GRID2: variants seen among roughly 807,000 people sequenced by gnomAD.
GRID2 encodes the protein glutamate receptor ionotropic, delta-2.
In GRID2, 33 loss-of-function variants were observed where a neutral mutation model predicts 114.8. That is an observed-to-expected ratio of 0.29 (90% CI 0.22 to 0.38). The LOEUF is 0.38. Among genes scored for constraint, GRID2 ranks in the 10% least tolerant of loss-of-function variants. The probability of loss-of-function intolerance (pLI) is 1.00; values close to 1 mark genes in which losing one functional copy is unlikely to be tolerated. For synonymous variants in GRID2, 505 were observed against 449.9 expected, an observed-to-expected ratio of 1.12 and a Z score of -1.55; for missense variants, 1,184 against 1,257.7, an observed-to-expected ratio of 0.94 and a Z score of 0.89.
intron 1 of GRID2, among the ~76,000 whole-genome samples, chr4:92,338,632 T>C (rs920722648): frequency 1.3e-5 from 2 of 152,104 alleles, no homozygotes; most frequent in Non-Finnish European, 2.9e-5. Flanking sequence ...GAAACATAGC[T>C]ATCTATCTAA....
intron 14 of GRID2, among the ~76,000 whole-genome samples, chr4:93,680,033 A>G (rs1260900612): frequency 2.0e-5 from 3 of 151,256 alleles, no homozygotes; most frequent in Admixed American, 1.3e-4. Context: ...ACCGCTAGCA[A>G]GACTAATAAA....
At chr4:92,834,573 T>C (rs1367929509) in intron 2 of GRID2, among the ~76,000 whole-genome samples, 1 of 152,168 alleles carries the variant, frequency 6.6e-6, no homozygotes, top group Non-Finnish European at 1.5e-5. Flanking sequence ...TGGGGTATGG[T>C]AATGAATAAG....
At chr4:92,566,410 T>G (rs1390818419) in intron 1 of GRID2, among the ~76,000 whole-genome samples, 2 of 151,944 alleles carry the variant, frequency 1.3e-5, no homozygotes, top group East Asian at 3.9e-4. Context: ...CCAGAAAATT[T>G]GTTGACAGCA....
chr4:92,388,394 T>G (rs1283831283), intron 1 of GRID2, among the ~76,000 whole-genome samples: 2 of 151,974 alleles, frequency 1.3e-5, no homozygotes, highest in South Asian at 2.1e-4. Context: ...TCCCTGGCTC[T>G]CTCTCTGGTG....
chr4:93,533,245 T>TCTTCCTTCCTTCCTTCCTTCCTTC (rs755045834), intron 13 of GRID2, among the ~76,000 whole-genome samples: 10 of 105,716 alleles, frequency 9.5e-5, no homozygotes, highest in Admixed American at 1.0e-4. Flanking sequence ...TTTCTTTCTC[T>TCTTCCTTCCTTCCTTCCTTCCTTC]CTTCCTTCCT....
At chr4:93,317,550 A>G (rs1416144786) in intron 8 of GRID2, among the ~76,000 whole-genome samples, 1 of 152,140 alleles carries the variant, frequency 6.6e-6, no homozygotes, top group African/African-American at 2.4e-5. Context: ...AATAATACTG[A>G]AATTTGGAGA....
intron 4 of GRID2, among the ~76,000 whole-genome samples, chr4:93,204,652 C>G (rs1336006561): frequency 6.6e-6 from 1 of 152,032 alleles, no homozygotes; most frequent in Non-Finnish European, 1.5e-5. Context: ...TTGCTTTTGC[C>G]TAACATACTT....
chr4:93,234,127 G>T (rs540610077), intron 7 of GRID2, among the ~76,000 whole-genome samples: 1 of 152,112 alleles, frequency 6.6e-6, no homozygotes, highest in Non-Finnish European at 1.5e-5. Flanking sequence ...ATATAAGGTA[G>T]CCTTTTTACA....
intron 13 of GRID2, among the ~76,000 whole-genome samples, chr4:93,592,533 G>T (rs1277878980): frequency 1.3e-5 from 2 of 152,156 alleles, no homozygotes; most frequent in Non-Finnish European, 2.9e-5. Flanking sequence ...TGTATATTCT[G>T]TTGATTTGGG....
At chr4:92,831,692 A>G (rs183177285) in intron 2 of GRID2, among the ~76,000 whole-genome samples, 40 of 152,100 alleles carry the variant, frequency 2.6e-4, no homozygotes, top group Non-Finnish European at 3.7e-4. Flanking sequence ...TGTCTCTACA[A>G]AAAATTAAAG....
chr4:92,477,626 T>C (rs914314216), intron 1 of GRID2, among the ~76,000 whole-genome samples: 1 of 151,468 alleles, frequency 6.6e-6, no homozygotes, highest in Non-Finnish European at 1.5e-5. Flanking sequence ...ATGTCATAAA[T>C]ACCCTGGCTA....
At chr4:92,942,710 G>A (rs1751257639) in intron 2 of GRID2, among the ~76,000 whole-genome samples, 1 of 152,140 alleles carries the variant, frequency 6.6e-6, no homozygotes, top group Admixed American at 6.5e-5. Flanking sequence ...GCTGGTACCG[G>A]TTGTTCCTTT....
intron 8 of GRID2, among the ~76,000 whole-genome samples, chr4:93,308,056 T>C (rs546152775): frequency 6.6e-6 from 1 of 152,282 alleles, no homozygotes; most frequent in African/African-American, 2.4e-5. Context: ...AATTGATCCA[T>C]GAAGAGGCAA....
At chr4:92,943,609 C>G (rs905848107) in intron 2 of GRID2, among the ~76,000 whole-genome samples, 2 of 152,300 alleles carry the variant, frequency 1.3e-5, no homozygotes, top group East Asian at 1.9e-4. Context: ...CAGCTTTGTT[C>G]CATTGCTGGT....
rs1442050450 is a variant in GRID2, at chr4:93,244,462, T to C, written c.1245+5972T>C. On this transcript the variant is annotated intron_variant, in intron 8 of 15. Coordinates refer to ENST00000282020, the MANE Select transcript of GRID2 (RefSeq NM_001510.4). ...TTCTTGGGCAAACCTAATGTACTGC[T>C]TCGCAAAGGATATTATATTATATAA... 3.4e-5 allele frequency among the ~76,000 whole-genome samples: 5 copies of C among 148,792 alleles called. No homozygotes were observed. The South Asian group carries it at 6.3e-4, about 19-fold the overall frequency.
chr4:93,686,184 A>G (rs17359194), intron 14 of GRID2, among the ~76,000 whole-genome samples: 1,534 of 151,944 alleles, frequency 0.01, 10 homozygotes, highest in Non-Finnish European at 0.011. Context: ...TCTTATCACC[A>G]TCCACCCAAT....
intron 2 of GRID2, among the ~76,000 whole-genome samples, chr4:92,776,079 T>C (rs1021191157): frequency 1.3e-4 from 20 of 152,322 alleles, no homozygotes; most frequent in African/African-American, 4.8e-4. Context: ...GATTAAAACT[T>C]TTATTCCTTT....
At chr4:92,736,885 T>C (rs1253237266) in intron 2 of GRID2, among the ~76,000 whole-genome samples, 1 of 152,052 alleles carries the variant, frequency 6.6e-6, no homozygotes, top group Non-Finnish European at 1.5e-5. Flanking sequence ...TCAGAAAGAA[T>C]TCTAAAATAC....
chr4:93,669,819 C>CCCA (rs1486238106), intron 14 of GRID2, among the ~76,000 whole-genome samples: 2 of 152,130 alleles, frequency 1.3e-5, no homozygotes, highest in African/African-American at 4.8e-5. Context: ...TGGGCTCCAA[C>CCCA]CCACCCTGCA....
Sources: allele counts gnomAD v4.1 joint callset (sites outside exome capture counted in the v4.1 genomes callset), GRCh38; gene constraint gnomAD v4.1.1; transcripts MANE v1.5; gene names NCBI Gene and HGNC (gene_info 2026-07-23, HGNC 2026-07-21).